ATP6V1B1: variants seen among roughly 807,000 people sequenced by gnomAD.
The protein encoded by ATP6V1B1 is V-type proton ATPase subunit B, kidney isoform.
A neutral mutation model predicts 62.1 loss-of-function variants in ATP6V1B1; 41 were observed. That is an observed-to-expected ratio of 0.66 (90% CI 0.51 to 0.86). ATP6V1B1 has a LOEUF of 0.86. ATP6V1B1 is among the 40% of genes least tolerant of loss of function. ATP6V1B1 has a pLI of 0.00. For missense variants in ATP6V1B1, 651 were observed against 697.5 expected (o/e 0.93, Z 0.75); for synonymous variants, 253 against 273.4 (o/e 0.93, Z 0.74).
intron 1 of ATP6V1B1, chr2:70,938,820 G>A (rs1208741686): frequency 5.5e-5 from 54 of 983,346 alleles, no homozygotes; most frequent in Non-Finnish European, 6.4e-5. Flanking sequence ...CAGGAGCAAA[G>A]GTCAGGAAGG....
intron 1 of ATP6V1B1, among the ~76,000 whole-genome samples, chr2:70,938,211 C>G (rs1679904704): frequency 6.6e-6 from 1 of 152,190 alleles, no homozygotes; most frequent in South Asian, 2.1e-4. Flanking sequence ...TCCCAATCCC[C>G]TCCCCGCCTC....
intron 7 of ATP6V1B1, 130 bp from the exon 8 acceptor site, chr2:70,961,466 C>A: frequency 1.0e-6 from 1 of 953,930 alleles, no homozygotes; most frequent in Non-Finnish European, 1.7e-6. Context: ...ACCCCATGGC[C>A]TTGGTGTCTT....
chr2:70,957,805 C>T (rs1680477083), intron 2 of ATP6V1B1: 2 of 545,672 alleles, frequency 3.7e-6, no homozygotes, highest in Non-Finnish European at 6.6e-6. Flanking sequence ...TCCACAAGGT[C>T]AGGCAGCTAC....
At chr2:70,961,063 A>G in intron 7 of ATP6V1B1, 41 bp downstream of exon 7, 1 of 1,539,540 alleles carries the variant, frequency 6.5e-7, no homozygotes, top group Middle Eastern at 1.7e-4. Flanking sequence ...GGAGGCTGTG[A>G]GCAGGCAGCC....
In ATP6V1B1 at chr2:70,961,185, G is replaced by A. The variant is rs4852733; in HGVS notation, c.687+163G>A. The A allele has an allele frequency of 0.45, 344,130 of 757,300 alleles. 83,117 individuals carry two copies. The highest frequency in any genetic ancestry group is 0.66 in the East Asian group (23,646 of 36,052). 46.9% of individuals were successfully genotyped at this position (757,300 alleles called of 1,614,324 possible). ...TGACCACGGCCATGTGTCCCTCAGG[G>A]TGTCCCAAAGGCAATCACAGTGGTA... On this transcript the variant is annotated intron_variant, in intron 7 of 13. Transcript: ENST00000234396.
Position 70,964,989 on chromosome 2 carries a change from G to A in ATP6V1B1, c.1410G>A (p.Ser470=), listed in dbSNP as rs782633175. 6.2e-7 allele frequency: 1 copy of A among 1,613,910 alleles called. No homozygotes were observed. Among genetic ancestry groups the A allele is most frequent in the Non-Finnish European group, 8.5e-7 (1 of 1,180,026 alleles). Residue 470 remains serine, a synonymous_variant, in exon 14 of 14, where the codon TCG becomes TCA. Coordinates refer to ENST00000234396, the MANE Select transcript of ATP6V1B1 (RefSeq NM_001692.4). The stretch of plus-strand genomic sequence containing the variant: ...ACGAGAACCGCTCGGTGTTCGAGTC[G>A]CTGGACCTGGGCTGGAAGCTGCTGC... ...GPYENRSVFE[S]LDLGWKLLRI...
chr2:70,960,860 TCA>T, intron 6 of ATP6V1B1, 59 bp from the exon 7 acceptor site: 1 of 1,428,484 alleles, frequency 7.0e-7, no homozygotes, highest in East Asian at 2.6e-5. Flanking sequence ...CCAGTGGTGC[TCA>T]GTGGGACAGG....
At position 70,959,998 on chromosome 2, in the gene ATP6V1B1, TCTC is replaced by T; in HGVS notation, c.508_510del (p.Pro170del). 1 of 1,614,132 alleles carries T rather than the reference TCTC, an allele frequency of 6.2e-7. No homozygotes were observed. The highest frequency in any genetic ancestry group is 8.5e-7 in the Non-Finnish European group (1 of 1,180,022). On this transcript the variant is annotated inframe_deletion, in exon 6 of 14. Coordinates refer to ENST00000234396, the MANE Select transcript of ATP6V1B1 (RefSeq NM_001692.4). The surrounding 1 kb of genome is among the most constrained non-coding windows in gnomAD (Gnocchi z 4.2). ...CGAGGAGATGATTCAGACGGGCATT[TCTC>T]CTATTGACGTCATGAACAGCATTGC... is the stretch of plus-strand genomic sequence containing the variant.
intron 1 of ATP6V1B1, chr2:70,942,106 C>T: frequency 3.0e-6 from 3 of 1,011,166 alleles, no homozygotes; most frequent in Non-Finnish European, 2.5e-6. Context: ...GGCAAGGAGG[C>T]TCTGGTCCTT....
At chr2:70,937,191 G>C (rs1679874807) in intron 1 of ATP6V1B1, among the ~76,000 whole-genome samples, 1 of 152,068 alleles carries the variant, frequency 6.6e-6, no homozygotes, top group Non-Finnish European at 1.5e-5. Context: ...GCTCCTAACA[G>C]GGAGTGTGGT....
chr2:70,956,336 C>T (rs1256601379), intron 2 of ATP6V1B1: 1 of 164,436 alleles, frequency 6.1e-6, no homozygotes, highest in Non-Finnish European at 1.5e-5. Flanking sequence ...GCCATAGCCC[C>T]ATTCCAGGGC....
At chr2:70,962,971 C>T in intron 9 of ATP6V1B1, 71 bp downstream of exon 9, 1 of 1,609,406 alleles carries the variant, frequency 6.2e-7, no homozygotes, top group Non-Finnish European at 8.5e-7. Context: ...AGACGGTCAC[C>T]CTGCAAATAG....
intron 1 of ATP6V1B1, chr2:70,938,660 A>G (rs782181818): frequency 3.5e-5 from 34 of 985,254 alleles, no homozygotes; most frequent in Non-Finnish European, 3.7e-5. Flanking sequence ...GACCCTGCCA[A>G]CATCTACCTT....
Position 70,961,528 on chromosome 2 carries a change from T to C in ATP6V1B1, c.688-68T>C, listed in dbSNP as rs536778323. On this transcript the variant is annotated intron_variant, in intron 7 of 13. Coordinates refer to ENST00000234396, the MANE Select transcript of ATP6V1B1 (RefSeq NM_001692.4). The stretch of plus-strand genomic sequence containing the variant: ...GTCCACAGGCTTTCCTGAGGACACC[T>C]GGGAGGGGCCAGGCCTTGCCCTCAG... 5.1e-5 allele frequency: 78 copies of C among 1,519,530 alleles called. No homozygotes were observed. The African/African-American group carries it at 1.0e-3, about 19-fold the overall frequency. 94.1% of individuals were successfully genotyped at this position (1,519,530 alleles called of 1,614,324 possible). A position where few individuals can be genotyped will look rare whatever the true frequency, so the allele number is the denominator to read the frequency against.
chr2:70,959,737 A>T lies in ATP6V1B1; in HGVS notation c.446-202A>T, dbSNP rs1396718072. 6.6e-6 allele frequency among the ~76,000 whole-genome samples: 1 copy of T among 152,238 alleles called. No individual in the cohort carries two copies. Among genetic ancestry groups the T allele is most frequent in the African/African-American group, 2.4e-5 (1 of 41,458 alleles). ...AATTTAAACTAATTCAAACAGAAAG[A>T]AAGTCCCATTTCAGAGTCACACGTC... is the stretch of plus-strand genomic sequence containing the variant. On this transcript the variant is annotated intron_variant, in intron 5 of 13. Transcript: ENST00000234396. The surrounding 1 kb of genome is among the most constrained non-coding windows in gnomAD (Gnocchi z 4.2).
chr2:70,953,204 G>T (rs1451446480), intron 2 of ATP6V1B1, among the ~76,000 whole-genome samples: 2 of 152,162 alleles, frequency 1.3e-5, no homozygotes, highest in African/African-American at 4.8e-5. Context: ...GACCTCAAGC[G>T]ATCTGCCCAC....
At chr2:70,960,222 C>G in intron 6 of ATP6V1B1, 144 bp downstream of exon 6, 1 of 1,288,226 alleles carries the variant, frequency 7.8e-7, no homozygotes, top group Non-Finnish European at 1.1e-6. Flanking sequence ...GGCAGCTGTC[C>G]CTGGGCAGCT....
Position 70,955,080 on chromosome 2 carries a change from G to A in ATP6V1B1, c.175-2966G>A, listed in dbSNP as rs1338969128. On this transcript the variant is annotated intron_variant, in intron 2 of 13. Coordinates refer to ENST00000234396, the MANE Select transcript of ATP6V1B1 (RefSeq NM_001692.4). ...GCGTGCACAGACAGCAGAGCTCAGG[G>A]ATTCCCCGGGGCAAAGCTCTACCTG... Among the ~76,000 whole-genome samples, 6 of 152,172 alleles carry A rather than the reference G, an allele frequency of 3.9e-5. No homozygotes were observed. The East Asian group carries it at 5.8e-4, about 15-fold the overall frequency.
chr2:70,942,221 G>T, intron 1 of ATP6V1B1: 1 of 418,140 alleles, frequency 2.4e-6, no homozygotes, highest in South Asian at 1.3e-4. Flanking sequence ...GGAAGAAGAG[G>T]GTGGCTCAGG....
Sources: allele counts gnomAD v4.1 joint callset (sites outside exome capture counted in the v4.1 genomes callset), GRCh38; gene constraint gnomAD v4.1.1; non-coding constraint Gnocchi (gnomAD v3.1); transcripts MANE v1.5; gene names NCBI Gene and HGNC (gene_info 2026-07-23, HGNC 2026-07-21).